Variants in ENOX1 observed in about 807,000 individuals in gnomAD.
ENOX1 encodes the protein candidate growth-related and time keeping constitutive hydroquinone (NADH) oxidase.
A neutral mutation model predicts 82.5 loss-of-function variants in ENOX1; 42 were observed. That is an observed-to-expected ratio of 0.51 (90% CI 0.40 to 0.66). ENOX1 has a LOEUF of 0.66. Ranked by LOEUF, ENOX1 falls within the 30% of genes least tolerant of loss-of-function variation. ENOX1 has a pLI of 0.00. For missense variants in ENOX1, 608 were observed against 811.6 expected (o/e 0.75, Z 3.05); for synonymous variants, 271 against 282.2 (o/e 0.96, Z 0.40).
chr13:43,261,497 G>A (rs937453475), intron 14 of ENOX1, among the ~76,000 whole-genome samples: 1 of 152,166 alleles, frequency 6.6e-6, no homozygotes, highest in Admixed American at 6.5e-5. Context: ...AAAACAGGAA[G>A]TTAAATGCCT....
intron 2 of ENOX1, among the ~76,000 whole-genome samples, chr13:43,527,922 C>T (rs2078051276): frequency 6.6e-6 from 1 of 152,084 alleles, no homozygotes; most frequent in Non-Finnish European, 1.5e-5. Context: ...AGATGATATA[C>T]TGTTTGGAAA....
chr13:43,301,831 C>T (rs2046595000), intron 11 of ENOX1, among the ~76,000 whole-genome samples: 1 of 152,144 alleles, frequency 6.6e-6, no homozygotes, highest in Non-Finnish European at 1.5e-5. Flanking sequence ...ATCTATTCCT[C>T]AGACAAGGCT....
At position 43,677,766 on chromosome 13, in the gene ENOX1, T is replaced by A. The variant is rs181681628; in HGVS notation, c.-284-10222A>T. ...GCACACATCCTGACTCAAAGAGATT[T>A]AGAATCATGCACAATGCTACACAAG... On this transcript the variant is annotated intron_variant, in intron 1 of 16. Transcript: ENST00000690772. Among the ~76,000 whole-genome samples the A allele has an allele frequency of 1.3e-4, 20 of 152,340 alleles. No homozygotes were observed. In the East Asian group the frequency reaches 3.5e-3, roughly 26 times the overall value.
At chr13:43,735,486 G>A (rs754090730) in intron 1 of ENOX1, among the ~76,000 whole-genome samples, 5 of 152,260 alleles carry the variant, frequency 3.3e-5, no homozygotes, top group South Asian at 2.1e-4. Flanking sequence ...TTGGGAGGCC[G>A]AGGCGGGTGG....
intron 3 of ENOX1, among the ~76,000 whole-genome samples, chr13:43,428,694 C>A (rs1594544822): frequency 1.3e-5 from 2 of 152,168 alleles, no homozygotes; most frequent in African/African-American, 4.8e-5. Flanking sequence ...CGAGCTATCT[C>A]ATCATGTTGG....
intron 3 of ENOX1, among the ~76,000 whole-genome samples, chr13:43,443,724 T>A (rs2056481196): frequency 6.6e-6 from 1 of 152,100 alleles, no homozygotes; most frequent in Admixed American, 6.5e-5. Context: ...GCAACCTGCA[T>A]GTAGGGAGAG....
At chr13:43,570,325 G>A (rs1246934854) in intron 2 of ENOX1, among the ~76,000 whole-genome samples, 1 of 152,242 alleles carries the variant, frequency 6.6e-6, no homozygotes, top group South Asian at 2.1e-4. Context: ...CAACACATAG[G>A]CAGTAGCGGA....
intron 9 of ENOX1, among the ~76,000 whole-genome samples, chr13:43,342,877 C>T (rs2049151261): frequency 1.3e-5 from 2 of 152,194 alleles, no homozygotes; most frequent in Admixed American, 6.5e-5. Context: ...GACAGGTAGA[C>T]ATTTTGCGTT....
intron 2 of ENOX1, among the ~76,000 whole-genome samples, chr13:43,626,501 TG>T (rs1594162938): frequency 6.6e-6 from 1 of 151,878 alleles, no homozygotes; most frequent in African/African-American, 2.4e-5. Flanking sequence ...TTTTATGTTG[TG>T]TTTCCATTTT....
At chr13:43,409,750 T>G (rs193223774) in intron 5 of ENOX1, among the ~76,000 whole-genome samples, 39 of 152,300 alleles carry the variant, frequency 2.6e-4, no homozygotes, top group African/African-American at 9.1e-4. Context: ...TAGGATAAGA[T>G]GTTAAAAATG....
chr13:43,393,605 G>A (rs2052940920), intron 5 of ENOX1, among the ~76,000 whole-genome samples: 1 of 152,132 alleles, frequency 6.6e-6, no homozygotes, highest in Non-Finnish European at 1.5e-5. Context: ...TGGATGGATG[G>A]ATGGGTGAAA....
At chr13:43,330,816 G>T (rs1164163563) in intron 9 of ENOX1, among the ~76,000 whole-genome samples, 1 of 152,126 alleles carries the variant, frequency 6.6e-6, no homozygotes, top group Non-Finnish European at 1.5e-5. Context: ...TTACACATAT[G>T]TATGTGTGGA....
chr13:43,495,503 C>T (rs921546443), intron 2 of ENOX1, among the ~76,000 whole-genome samples: 1 of 151,992 alleles, frequency 6.6e-6, no homozygotes, highest in African/African-American at 2.4e-5. Context: ...GTAGTTAATT[C>T]ATAAGTATTC....
intron 11 of ENOX1, among the ~76,000 whole-genome samples, chr13:43,315,282 A>G (rs1330112401): frequency 6.6e-6 from 1 of 152,266 alleles, no homozygotes; most frequent in Non-Finnish European, 1.5e-5. Flanking sequence ...CTAGAGCGCA[A>G]TGAGGTGACC....
chr13:43,591,196 T>A (rs1266683307), intron 2 of ENOX1, among the ~76,000 whole-genome samples: 1 of 152,246 alleles, frequency 6.6e-6, no homozygotes, highest in East Asian at 1.9e-4. Context: ...AGCAGCATTA[T>A]TTGTAGTAGC....
At chr13:43,684,777 C>T (rs2085978254) in intron 1 of ENOX1, among the ~76,000 whole-genome samples, 1 of 152,150 alleles carries the variant, frequency 6.6e-6, no homozygotes, top group Admixed American at 6.5e-5. Context: ...CTTCTTTCTG[C>T]ATAGTAGCCA....
At chr13:43,644,067 G>A (rs1256360549) in intron 2 of ENOX1, among the ~76,000 whole-genome samples, 1 of 152,040 alleles carries the variant, frequency 6.6e-6, no homozygotes, top group Non-Finnish European at 1.5e-5. Context: ...TGCTCTTTTA[G>A]TCATCTTAAT....
chr13:43,327,224 T>C (rs910574708), intron 9 of ENOX1, among the ~76,000 whole-genome samples: 9 of 152,324 alleles, frequency 5.9e-5, no homozygotes, highest in South Asian at 2.1e-4. Context: ...GCAGGTCTTA[T>C]TTCAACCACC....
chr13:43,589,210 T>C, intron 2 of ENOX1, among the ~76,000 whole-genome samples: 1 of 95,326 alleles, frequency 1.0e-5, no homozygotes, highest in Non-Finnish European at 2.0e-5. Flanking sequence ...GCTTTGGACA[T>C]TAATGGAAAA....
Sources: allele counts gnomAD v4.1 joint callset (sites outside exome capture counted in the v4.1 genomes callset), GRCh38; gene constraint gnomAD v4.1.1; transcripts MANE v1.5; gene names NCBI Gene and HGNC (gene_info 2026-07-23, HGNC 2026-07-21).